The following FHAD1 variants were observed in gnomAD, a reference collection of about 807,000 sequenced individuals.
FHAD1 encodes forkhead associated phosphopeptide binding domain 1.
In FHAD1, 146 loss-of-function variants were observed where a neutral mutation model predicts 191.3. That is an observed-to-expected ratio of 0.76 (90% CI 0.67 to 0.88). FHAD1 has a LOEUF of 0.88. Ranked by LOEUF, FHAD1 falls within the 40% of genes least tolerant of loss-of-function variation. The pLI, the probability that FHAD1 is intolerant of heterozygous loss-of-function variation, is 0.00. For missense variants in FHAD1, 1,635 were observed against 1,785.8 expected (o/e 0.92, Z 1.52); for synonymous variants, 616 against 672.3 (o/e 0.92, Z 1.29).
chr1:15,281,760 C>CAA (rs35950054), intron 3 of FHAD1, among the ~76,000 whole-genome samples: 2,127 of 64,226 alleles, frequency 0.033, 159 homozygotes, highest in African/African-American at 0.12. Flanking sequence ...GACACTGTCT[C>CAA]AAAAAAAAAA....
intron 18 of FHAD1, 29 bp downstream of exon 18, chr1:15,345,552 G>A: frequency 6.5e-7 from 1 of 1,530,144 alleles, no homozygotes; most frequent in Admixed American, 2.0e-5. Context: ...AGTCGGCTGA[G>A]CCCCAGTCGG....
intron 31 of FHAD1, 56 bp from the exon 32 acceptor site, chr1:15,387,995 G>C (rs1040925388): frequency 9.9e-6 from 10 of 1,008,504 alleles, no homozygotes; most frequent in Non-Finnish European, 1.4e-5. Flanking sequence ...AGATTGGAAC[G>C]GGTAAGGACA....
intron 13 of FHAD1, chr1:15,328,794 G>T (rs573426818): frequency 5.8e-6 from 1 of 172,496 alleles, no homozygotes; most frequent in South Asian, 1.7e-4. Flanking sequence ...GCCACAAAAG[G>T]CGGTTTCCAC....
intron 26 of FHAD1, 130 bp from the exon 27 acceptor site, chr1:15,374,372 C>A (rs1698974143): frequency 5.6e-6 from 6 of 1,063,256 alleles, no homozygotes; most frequent in Non-Finnish European, 8.0e-6. Flanking sequence ...TCTGCTGAAG[C>A]CCTAATGCTA....
At chr1:15,293,446 G>C (rs11583695) in intron 4 of FHAD1, among the ~76,000 whole-genome samples, 1 of 152,058 alleles carries the variant, frequency 6.6e-6, no homozygotes, top group Non-Finnish European at 1.5e-5. Context: ...GTGGCCAGGC[G>C]CGGTGGCTCA....
In FHAD1 at chr1:15,289,032, T is replaced by C. The variant is rs1663537104; in HGVS notation, c.301-367T>C. Among the ~76,000 whole-genome samples, 1 of 152,180 alleles carries C rather than the reference T, an allele frequency of 6.6e-6. No individual in the cohort carries two copies. The highest frequency in any genetic ancestry group is 6.5e-5 in the Admixed American group (1 of 15,272). ...CAGAGTCTCATTCTGTCGCCCAGGA[T>C]GGAGTGCAGTGGTGCTATCACAGCT... is the stretch of plus-strand genomic sequence containing the variant. On this transcript the variant is annotated intron_variant, in intron 3 of 33. Coordinates refer to ENST00000688493, the MANE Select transcript of FHAD1 (RefSeq NM_001391957.1). The surrounding 1 kb of genome is among the most constrained non-coding windows in gnomAD (Gnocchi z 4.2).
chr1:15,355,260 G>A (rs1464850834), intron 20 of FHAD1, among the ~76,000 whole-genome samples: 1 of 151,310 alleles, frequency 6.6e-6, no homozygotes, highest in African/African-American at 2.4e-5. Flanking sequence ...AAAGTAGACA[G>A]GTGACATTAC....
intron 20 of FHAD1, among the ~76,000 whole-genome samples, chr1:15,356,882 A>C (rs1465170622): frequency 6.6e-6 from 1 of 152,122 alleles, no homozygotes; most frequent in Non-Finnish European, 1.5e-5. Flanking sequence ...AAAAAAAAAA[A>C]AAAAATTGAA....
intron 32 of FHAD1, among the ~76,000 whole-genome samples, chr1:15,390,774 A>T (rs1453701908): frequency 6.6e-6 from 1 of 152,204 alleles, no homozygotes; most frequent in African/African-American, 2.4e-5. Context: ...CCCTAAAGGG[A>T]GTTCAACCAT....
rs554955932 is a variant in FHAD1, at chr1:15,266,676, G to A, written c.94-5647G>A. ...GGTTTTGACATAGGCATAATGTCAG[G>A]TATTCACCAATATAGAATCATACAG... On this transcript the variant is annotated intron_variant, in intron 2 of 33. Transcript: ENST00000688493. Among the ~76,000 whole-genome samples the A allele has an allele frequency of 5.9e-5, 9 of 152,248 alleles. No homozygotes were observed. In the East Asian group the frequency reaches 1.3e-3, roughly 23 times the overall value.
intron 23 of FHAD1, 30 bp downstream of exon 23, chr1:15,362,756 G>T (rs1695214590): frequency 6.5e-7 from 1 of 1,527,264 alleles, no homozygotes. Flanking sequence ...TGAGCGCCAG[G>T]CATTCTCACC....
In FHAD1 at chr1:15,313,159, A is replaced by G. The variant is rs1213411060; in HGVS notation, c.1142A>G (p.Asp381Gly). 9.0e-6 allele frequency: 14 copies of G among 1,551,992 alleles called. No homozygotes were observed. Among genetic ancestry groups the G allele is most frequent in the Non-Finnish European group, 1.1e-5 (13 of 1,147,058 alleles). Reference protein sequence around the residue: ...SHLKSQNKDKDHQLEALGSRC... With the variant: ...SHLKSQNKDKGHQLEALGSRC... ...CTAAAAAGTCAGAACAAGGACAAGGACCACCAGCTGGAAGCCCTTGGCTCT... is the reference window on the plus strand; with the variant it reads ...CTAAAAAGTCAGAACAAGGACAAGGGCCACCAGCTGGAAGCCCTTGGCTCT... Residue 381 changes from aspartate (D) to glycine (G), a missense_variant, in exon 8 of 34, where the codon GAC becomes GGC. Coordinates refer to ENST00000688493, the MANE Select transcript of FHAD1 (RefSeq NM_001391957.1).
intron 6 of FHAD1, among the ~76,000 whole-genome samples, chr1:15,304,148 C>T (rs1669693326): frequency 6.6e-6 from 1 of 152,228 alleles, no homozygotes; most frequent in Non-Finnish European, 1.5e-5. Context: ...GATTTGCTCT[C>T]AAAGCCCTTC....
chr1:15,377,016 G>T (rs114273622), intron 28 of FHAD1, among the ~76,000 whole-genome samples: 1 of 152,276 alleles, frequency 6.6e-6, no homozygotes, highest in East Asian at 1.9e-4. Context: ...TCTCCAGCAG[G>T]GACAACAGGA....
chr1:15,387,884 C>G (rs1435583523), intron 31 of FHAD1, among the ~76,000 whole-genome samples, 167 bp from the exon 32 acceptor site: 1 of 151,990 alleles, frequency 6.6e-6, no homozygotes, highest in Non-Finnish European at 1.5e-5. Context: ...GATCCTGTCT[C>G]GAATAAAAAA....
Position 15,329,209 on chromosome 1 carries a change from C to A in FHAD1, c.1711-137C>A. 1.6e-6 allele frequency: 1 copy of A among 619,436 alleles called. No homozygotes were observed. Among genetic ancestry groups the A allele is most frequent in the Non-Finnish European group, 2.6e-6 (1 of 379,112 alleles). 38.4% of individuals were successfully genotyped at this position (619,436 alleles called of 1,614,324 possible). ...ATAAAAATTTTAAAAAAGAAAAAAA[C>A]TGAGTCCTCCCAAGGCGGCCAATAC... On this transcript the variant is annotated intron_variant, in intron 13 of 33. Transcript: ENST00000688493. The surrounding 1 kb of genome is among the most constrained non-coding windows in gnomAD (Gnocchi z 5.0).
At chr1:15,244,247 A>G (rs1233203889), upstream of FHAD1, among the ~76,000 whole-genome samples, 1 of 152,202 alleles carries the variant, frequency 6.6e-6, no homozygotes. This position sits in a 1 kb window ranked among gnomAD's most constrained non-coding sequence, Gnocchi z 5.1. Flanking sequence ...TAACAGTGGC[A>G]TCCTGAGGGA....
At chr1:15,326,864 T>C (rs1231808576) in intron 11 of FHAD1, 195 bp from the exon 12 acceptor site, 1 of 555,058 alleles carries the variant, frequency 1.8e-6, no homozygotes, top group Admixed American at 3.3e-5. Flanking sequence ...AAAAAGTAAT[T>C]AAAGCCTGCT....
chr1:15,283,370 A>G (rs974974407), intron 3 of FHAD1, among the ~76,000 whole-genome samples: 1 of 152,172 alleles, frequency 6.6e-6, no homozygotes, highest in Non-Finnish European at 1.5e-5. Context: ...AAGCTTCACT[A>G]ACACAGAGCC....
Sources: gnomAD v4.1 joint callset for allele counts (sites outside exome capture counted in the v4.1 genomes callset) on GRCh38, gnomAD v4.1.1 for gene constraint, Gnocchi (gnomAD v3.1) non-coding constraint, MANE v1.5 for transcripts, NCBI Gene and HGNC (gene_info 2026-07-23, HGNC 2026-07-21) for gene names.